ZMAT4: variants seen among roughly 807,000 people sequenced by gnomAD.
ZMAT4 encodes zinc finger matrin-type 4.
In ZMAT4, 17 loss-of-function variants were observed where a neutral mutation model predicts 28.7. That is an observed-to-expected ratio of 0.59 (90% confidence interval 0.41 to 0.89). ZMAT4 has a LOEUF of 0.89. Among genes scored for constraint, ZMAT4 ranks in the 40% least tolerant of loss-of-function variants. The pLI, the probability that ZMAT4 is intolerant of heterozygous loss-of-function variation, is 0.00. For missense variants in ZMAT4, 240 were observed against 283.8 expected (o/e 0.85, Z 1.11); for synonymous variants, 117 against 109.2 (o/e 1.07, Z -0.44).
intron 3 of ZMAT4, among the ~76,000 whole-genome samples, chr8:40,728,340 C>G (rs1265486110): frequency 6.6e-6 from 1 of 152,190 alleles, no homozygotes; most frequent in Non-Finnish European, 1.5e-5. Flanking sequence ...TACTTCCGTA[C>G]CTTAACACAG....
In ZMAT4 at chr8:40,845,776, TAAAA is replaced by T. The variant is rs71224858; in HGVS notation, c.-4-20100_-4-20097del. On this transcript the variant is annotated intron_variant, in intron 1 of 6. Transcript: ENST00000297737. Reference sequence around the variant, plus strand: ...TCACTAGTTCAATACACTTAGTAGTTAAAAAAAAAAAAAAAAAAAAAGAGAGAGA... The same window carrying T: ...TCACTAGTTCAATACACTTAGTAGTTAAAAAAAAAAAAAAAAAGAGAGAGA... 6.4e-3 allele frequency among the ~76,000 whole-genome samples: 835 copies of T among 129,592 alleles called. 4 individuals are homozygous for T. Among genetic ancestry groups the T allele is most frequent in the South Asian group, 8.2e-3 (33 of 4,032 alleles). The allele number at this position is 129,592 out of a possible 152,430, so 85.0% of individuals were successfully genotyped here. A position where few individuals can be genotyped will look rare whatever the true frequency, so the allele number is the denominator to read the frequency against.
intron 1 of ZMAT4, among the ~76,000 whole-genome samples, chr8:40,881,493 A>AAGAG (rs1199513803): frequency 7.3e-6 from 1 of 136,948 alleles, no homozygotes; most frequent in Non-Finnish European, 1.6e-5. Context: ...GAAAGAAAGA[A>AAGAG]AGAAAGAGGA....
chr8:40,878,407 A>G (rs2150660757), intron 1 of ZMAT4, among the ~76,000 whole-genome samples: 1 of 152,366 alleles, frequency 6.6e-6, no homozygotes. Flanking sequence ...CACTATTTCT[A>G]CAATATTTCA....
At chr8:40,571,196 CT>C (rs1281577154) in intron 6 of ZMAT4, among the ~76,000 whole-genome samples, 1 of 152,060 alleles carries the variant, frequency 6.6e-6, no homozygotes, top group Non-Finnish European at 1.5e-5. Context: ...AATGAACATG[CT>C]CCCCATTTAG....
intron 6 of ZMAT4, among the ~76,000 whole-genome samples, chr8:40,547,434 C>T (rs1359371865): frequency 6.6e-6 from 1 of 152,168 alleles, no homozygotes; most frequent in East Asian, 1.9e-4. Flanking sequence ...ATGAAGGAAG[C>T]CACAGCATGA....
chr8:40,600,909 C>G (rs1339908662), intron 5 of ZMAT4, among the ~76,000 whole-genome samples: 2 of 152,144 alleles, frequency 1.3e-5, no homozygotes, highest in Admixed American at 6.5e-5. Context: ...TTTTGTCCCT[C>G]TAGCCCAATG....
intron 6 of ZMAT4, among the ~76,000 whole-genome samples, chr8:40,572,209 G>T (rs1804121717): frequency 6.6e-6 from 1 of 151,984 alleles, no homozygotes; most frequent in Admixed American, 6.6e-5. Context: ...CCAAAATATT[G>T]AAAACAAAGA....
chr8:40,721,931 C>A (rs1255884677), intron 3 of ZMAT4, among the ~76,000 whole-genome samples: 2 of 151,818 alleles, frequency 1.3e-5, no homozygotes, highest in African/African-American at 2.4e-5. Flanking sequence ...GGAAAGGATT[C>A]CCTATTTAAT....
intron 6 of ZMAT4, among the ~76,000 whole-genome samples, chr8:40,555,285 C>T (rs1412391593): frequency 6.6e-6 from 1 of 152,152 alleles, no homozygotes; most frequent in East Asian, 1.9e-4. Flanking sequence ...CATGTGAGTG[C>T]AGGTATCCCT....
intron 1 of ZMAT4, among the ~76,000 whole-genome samples, chr8:40,826,683 T>G (rs1050351361): frequency 1.3e-5 from 2 of 152,126 alleles, no homozygotes; most frequent in African/African-American, 4.8e-5. Context: ...TCTTCTCCAT[T>G]TAGGGTGGTT....
At chr8:40,643,027 G>A (rs1263082156) in intron 5 of ZMAT4, among the ~76,000 whole-genome samples, 1 of 152,140 alleles carries the variant, frequency 6.6e-6, no homozygotes, top group Non-Finnish European at 1.5e-5. Context: ...GAGAAGTTTT[G>A]GAATTTGAAG....
At chr8:40,548,791 G>T (rs1299919661) in intron 6 of ZMAT4, among the ~76,000 whole-genome samples, 1 of 152,120 alleles carries the variant, frequency 6.6e-6, no homozygotes, top group Non-Finnish European at 1.5e-5. Context: ...AGAATTCTTT[G>T]TCCATTTGGT....
chr8:40,811,488 AC>A (rs1815312863), intron 2 of ZMAT4, among the ~76,000 whole-genome samples: 1 of 152,170 alleles, frequency 6.6e-6, no homozygotes, highest in Non-Finnish European at 1.5e-5. Flanking sequence ...CATTCACAAG[AC>A]TGGGGTAATC....
chr8:40,860,836 C>G (rs143800124), intron 1 of ZMAT4, among the ~76,000 whole-genome samples: 1 of 152,142 alleles, frequency 6.6e-6, no homozygotes, highest in Non-Finnish European at 1.5e-5. Context: ...GCAGTGCAAT[C>G]GGACCAATGA....
chr8:40,675,026 C>G, intron 4 of ZMAT4, 95 bp from the exon 5 acceptor site: 1 of 911,814 alleles, frequency 1.1e-6, no homozygotes, highest in Non-Finnish European at 1.7e-6. Flanking sequence ...CTCCTGTTCA[C>G]TCTAGAGCTT....
intron 2 of ZMAT4, among the ~76,000 whole-genome samples, chr8:40,775,269 C>T (rs775016804): frequency 2.6e-5 from 4 of 152,126 alleles, no homozygotes; most frequent in South Asian, 2.1e-4. Context: ...GATCCCGTTG[C>T]GTTCCAAAAA....
chr8:40,746,325 C>CCTTTCCTTTCCTTTT (rs1812229292), intron 3 of ZMAT4, among the ~76,000 whole-genome samples: 1 of 131,528 alleles, frequency 7.6e-6, no homozygotes, highest in Non-Finnish European at 1.6e-5. Context: ...CCTTTCCTTT[C>CCTTTCCTTTCCTTTT]CTTTCCTTTC....
At position 40,694,432 on chromosome 8, in the gene ZMAT4, T is replaced by C. The variant is rs1169953978; in HGVS notation, c.349+2813A>G. Among the ~76,000 whole-genome samples the C allele has an allele frequency of 3.3e-5, 5 of 152,298 alleles. No homozygotes were observed. In the East Asian group the frequency reaches 7.7e-4, roughly 24 times the overall value. ...AGCATGCTTGTATTAAATGGTGGTGTCCTGCCATGGTCTTCTCAGCCTATC... is the reference window on the plus strand; with the variant it reads ...AGCATGCTTGTATTAAATGGTGGTGCCCTGCCATGGTCTTCTCAGCCTATC... On this transcript the variant is annotated intron_variant, in intron 4 of 6. Coordinates refer to ENST00000297737, the MANE Select transcript of ZMAT4 (RefSeq NM_024645.3).
intron 4 of ZMAT4, among the ~76,000 whole-genome samples, chr8:40,685,560 G>A (rs937088735): frequency 6.6e-6 from 1 of 152,136 alleles, no homozygotes; most frequent in African/African-American, 2.4e-5. Context: ...TGCAGACACA[G>A]ATGGAAGGGA....
Sources: gnomAD v4.1 joint callset for allele counts (sites outside exome capture counted in the v4.1 genomes callset) on GRCh38, gnomAD v4.1.1 for gene constraint, MANE v1.5 for transcripts, NCBI Gene and HGNC (gene_info 2026-07-23, HGNC 2026-07-21) for gene names.